Variants in SUFU observed in about 807,000 individuals in gnomAD.
SUFU encodes suppressor of fused homolog.
Under a neutral mutation model 58.9 loss-of-function variants are expected in SUFU, and 7 were observed. The ratio of observed to expected loss-of-function variants is 0.12; its 90% CI spans 0.07 to 0.22. SUFU has a LOEUF of 0.22. SUFU is among the 10% of genes least tolerant of loss of function. The pLI, the probability that SUFU is intolerant of heterozygous loss-of-function variation, is 1.00. For missense variants in SUFU, 451 were observed against 641.3 expected (o/e 0.70, Z 3.20); for synonymous variants, 232 against 254.8 (o/e 0.91, Z 0.85).
At chr10:102,532,701 C>A (rs747121028) in intron 2 of SUFU, among the ~76,000 whole-genome samples, 4 of 152,170 alleles carry the variant, frequency 2.6e-5, no homozygotes, top group Non-Finnish European at 5.9e-5. Context: ...AAGAGAACAC[C>A]TGCGCAGAGT....
intron 7 of SUFU, among the ~76,000 whole-genome samples, chr10:102,598,735 C>CT (rs2063488208): frequency 6.6e-6 from 1 of 152,200 alleles, no homozygotes; most frequent in Admixed American, 6.5e-5. Context: ...TTTTAATTTG[C>CT]TTTTTTGTAT....
rs2062291537 is a variant in SUFU at position 102,504,231 on chromosome 10, G to A, written c.79G>A (p.Ala27Thr). Residue 27 changes from alanine to threonine, a missense_variant, in exon 1 of 12, where the codon GCT (alanine) becomes ACT (threonine). Physicochemically the swap from Ala to Thr is moderately conservative, Grantham distance 58. Transcript: ENST00000369902. ...APGPTAPPAF[A>T]SLFPPGLHAI... ...TGGCCCGACTGCCCCCCCGGCCTTC[G>A]CTTCGCTCTTTCCCCCGGGACTGCA... is the stretch of plus-strand genomic sequence containing the variant. The A allele has an allele frequency of 6.2e-7, 1 of 1,611,588 alleles. No individual in the cohort carries two copies. The highest frequency in any genetic ancestry group is 8.5e-7 in the Non-Finnish European group (1 of 1,178,908).
intron 1 of SUFU, among the ~76,000 whole-genome samples, chr10:102,507,177 G>A (rs2062337971): frequency 2.0e-5 from 3 of 152,200 alleles, no homozygotes; most frequent in Admixed American, 1.3e-4. Flanking sequence ...TGCAGTTGGA[G>A]TTTGAAGGTT....
At chr10:102,597,562 G>C (rs376945152) in intron 7 of SUFU, among the ~76,000 whole-genome samples, 1 of 152,328 alleles carries the variant, frequency 6.6e-6, no homozygotes. Context: ...GCAATCTGAG[G>C]TCATGGAGGT....
intron 10 of SUFU, among the ~76,000 whole-genome samples, chr10:102,622,569 C>T (rs1036607542): frequency 3.3e-5 from 5 of 152,084 alleles, no homozygotes; most frequent in African/African-American, 7.2e-5. Context: ...AGTAAAACCC[C>T]GTCTCTACTA....
chr10:102,551,484 A>G (rs2062914292), intron 3 of SUFU, among the ~76,000 whole-genome samples: 1 of 151,812 alleles, frequency 6.6e-6, no homozygotes, highest in Non-Finnish European at 1.5e-5. Flanking sequence ...CTGAAAATAC[A>G]AAAATTAGCC....
chr10:102,583,976 A>G (rs183600098), intron 3 of SUFU, among the ~76,000 whole-genome samples: 69 of 152,318 alleles, frequency 4.5e-4, no homozygotes, highest in Admixed American at 3.1e-3. Flanking sequence ...TTCTTAAACC[A>G]GGAGCAATGG....
intron 3 of SUFU, among the ~76,000 whole-genome samples, chr10:102,558,260 G>C (rs555927521): frequency 6.5e-4 from 99 of 152,200 alleles, no homozygotes; most frequent in Middle Eastern, 6.8e-3. Context: ...CTAGAGGCTA[G>C]AGTACCATAG....
intron 2 of SUFU, among the ~76,000 whole-genome samples, chr10:102,540,689 CG>C (rs2062787882): frequency 6.6e-6 from 1 of 150,694 alleles, no homozygotes; most frequent in Non-Finnish European, 1.5e-5. Context: ...ATACTATACC[CG>C]TGGCATTCAT....
At position 102,504,188 on chromosome 10, in the gene SUFU, CA is replaced by C. The variant is rs2135597397; in HGVS notation, c.37del (p.Thr13ProfsTer83). ...ELRPSGAPGP[T>X]APPAPGPTAP... is the part of the protein sequence containing the mutation. ...TGCGGCCTAGCGGCGCCCCCGGCCCCACCGCGCCCCCGGCCCCTGGCCCGAC... is the reference window on the plus strand; with the variant it reads ...TGCGGCCTAGCGGCGCCCCCGGCCCCCCGCGCCCCCGGCCCCTGGCCCGAC... On this transcript the variant is annotated frameshift_variant, in exon 1 of 12. Transcript: ENST00000369902. LOFTEE classifies it high-confidence loss of function. The C allele has an allele frequency of 3.9e-5, 60 of 1,546,144 alleles. No individual in the cohort carries two copies. The highest frequency in any genetic ancestry group is 4.5e-5 in the Non-Finnish European group (51 of 1,145,136).
At chr10:102,571,006 C>G (rs2063154042) in intron 3 of SUFU, among the ~76,000 whole-genome samples, 1 of 152,002 alleles carries the variant, frequency 6.6e-6, no homozygotes, top group African/African-American at 2.4e-5. Flanking sequence ...CCAAAACCTT[C>G]AAGGTGTACA....
chr10:102,533,749 A>G (rs1040900806), intron 2 of SUFU, among the ~76,000 whole-genome samples: 4 of 152,088 alleles, frequency 2.6e-5, no homozygotes, highest in Non-Finnish European at 5.9e-5. Flanking sequence ...TTAAGGATTC[A>G]TGGATTAGAT....
chr10:102,592,752 A>G (rs372283883), intron 4 of SUFU, 28 bp downstream of exon 4: 2 of 1,613,048 alleles, frequency 1.2e-6, no homozygotes, highest in Non-Finnish European at 1.7e-6. Context: ...CGCTGGCTCA[A>G]GCCTTCCTGT....
intron 2 of SUFU, among the ~76,000 whole-genome samples, chr10:102,547,872 T>G (rs1051826398): frequency 4.6e-5 from 7 of 151,410 alleles, no homozygotes; most frequent in African/African-American, 1.7e-4. Flanking sequence ...AAAGAGAGGC[T>G]GGGCATGGTG....
At chr10:102,580,698 A>T (rs1436804680) in intron 3 of SUFU, among the ~76,000 whole-genome samples, 1 of 152,108 alleles carries the variant, frequency 6.6e-6, no homozygotes, top group East Asian at 1.9e-4. Flanking sequence ...TGTCTTCCTG[A>T]GGGCAGTGCC....
At chr10:102,627,372 G>A in intron 11 of SUFU, 129 bp downstream of exon 11, 1 of 897,440 alleles carries the variant, frequency 1.1e-6, no homozygotes, top group South Asian at 1.3e-5. Context: ...ATGTATCTGT[G>A]TGGCTGCATC....
chr10:102,527,988 A>G (rs1490000147), intron 2 of SUFU, among the ~76,000 whole-genome samples: 1 of 152,058 alleles, frequency 6.6e-6, no homozygotes, highest in Non-Finnish European at 1.5e-5. Context: ...GTCTTTTTTT[A>G]TTTTTAAGAA....
At chr10:102,521,762 A>G (rs901150899) in intron 2 of SUFU, among the ~76,000 whole-genome samples, 2 of 152,218 alleles carry the variant, frequency 1.3e-5, no homozygotes, top group African/African-American at 4.8e-5. Flanking sequence ...TCAAGAAGAC[A>G]AAGTCTAAAA....
chr10:102,599,666 C>T (rs765632928), intron 8 of SUFU, 122 bp downstream of exon 8: 1 of 889,728 alleles, frequency 1.1e-6, no homozygotes, highest in Non-Finnish European at 1.8e-6. Flanking sequence ...CCCAGGATCT[C>T]TAGGCTTAAG....
Sources: gnomAD v4.1 joint callset for allele counts (sites outside exome capture counted in the v4.1 genomes callset) on GRCh38, gnomAD v4.1.1 for gene constraint, MANE v1.5 for transcripts, NCBI Gene and HGNC (gene_info 2026-07-23, HGNC 2026-07-21) for gene names.